Variants in TMEM260 observed in about 807,000 individuals in gnomAD.
TMEM260 encodes the protein protein O-mannosyl-transferase TMEM260.
A neutral mutation model predicts 88.9 loss-of-function variants in TMEM260; 82 were observed. That is an observed-to-expected ratio of 0.92 (90% confidence interval 0.77 to 1.11). The LOEUF (loss-of-function observed/expected upper bound fraction) is 1.11, where lower values mean the gene tolerates loss of function less well. Among genes scored for constraint, TMEM260 ranks in the 50% least tolerant of loss-of-function variants. The pLI, the probability that TMEM260 is intolerant of heterozygous loss-of-function variation, is 0.00. For synonymous variants in TMEM260, 314 were observed against 309.3 expected (o/e 1.02, Z -0.16); for missense variants, 902 against 853.4 (o/e 1.06, Z -0.71).
chr14:56,635,672 A>G (rs1034270726), intron 14 of TMEM260, among the ~76,000 whole-genome samples: 1 of 152,222 alleles, frequency 6.6e-6, no homozygotes, highest in African/African-American at 2.4e-5. Context: ...TAAGTAGTGC[A>G]GACGGAGTAT....
Position 56,632,987 on chromosome 14 carries a change from T to C in TMEM260, c.1548-8T>C. 6.2e-7 allele frequency: 1 copy of C among 1,610,222 alleles called. No homozygotes were observed. Among genetic ancestry groups the C allele is most frequent in the Non-Finnish European group, 8.5e-7 (1 of 1,177,106 alleles). On this transcript the variant is annotated splice_region_variant and splice_polypyrimidine_tract_variant and intron_variant, in intron 12 of 15. Coordinates refer to ENST00000261556, the MANE Select transcript of TMEM260 (RefSeq NM_017799.4). ...TAAGTACATCATGTATTTTTCTGTT[T>C]CCAACAGAAAAGAAACATTTGTTTG...
chr14:56,651,703 G>C (rs981080718), downstream of TMEM260, among the ~76,000 whole-genome samples: 1 of 152,150 alleles, frequency 6.6e-6, no homozygotes, highest in Non-Finnish European at 1.5e-5. Context: ...AAGTCTTCTG[G>C]TACATAGTTG....
the TMEM260 span, among the ~76,000 whole-genome samples, chr14:56,656,333 C>T: frequency 2.0e-5 from 3 of 152,016 alleles, no homozygotes; most frequent in African/African-American, 4.8e-5. Flanking sequence ...GCGAGAGGAT[C>T]GCTTGAACCC....
intron 14 of TMEM260, among the ~76,000 whole-genome samples, chr14:56,635,419 GAC>G (rs1419988816): frequency 6.6e-6 from 1 of 152,194 alleles, no homozygotes; most frequent in Non-Finnish European, 1.5e-5. Flanking sequence ...ATATGAATAT[GAC>G]ACAGTTCCTA....
intron 5 of TMEM260, among the ~76,000 whole-genome samples, chr14:56,607,476 T>C (rs1305809183): frequency 6.6e-6 from 1 of 152,026 alleles, no homozygotes; most frequent in East Asian, 1.9e-4. Flanking sequence ...GGCTAGAAAA[T>C]AAGGCCTACC....
At chr14:56,644,498 T>A (rs545090829) in intron 15 of TMEM260, among the ~76,000 whole-genome samples, 2,504 of 152,208 alleles carry the variant, frequency 0.016, 61 homozygotes, top group African/African-American at 0.056. Flanking sequence ...TATACAAAAA[T>A]TAATTCAAGA....
downstream of TMEM260, chr14:56,649,955 G>C: frequency 2.8e-6 from 1 of 353,510 alleles, no homozygotes; most frequent in South Asian, 2.2e-5. Flanking sequence ...ACTGAGCTGA[G>C]ATTTAGGGAT....
intron 12 of TMEM260, among the ~76,000 whole-genome samples, chr14:56,628,758 ATTTG>A (rs1888393959): frequency 6.6e-6 from 1 of 152,060 alleles, no homozygotes; most frequent in Non-Finnish European, 1.5e-5. Flanking sequence ...GACAGCATAT[ATTTG>A]AGTCTTATTT....
chr14:56,589,684 T>C (rs1366205897), intron 3 of TMEM260, among the ~76,000 whole-genome samples: 1 of 152,194 alleles, frequency 6.6e-6, no homozygotes, highest in African/African-American at 2.4e-5. Context: ...AATCCTTAAA[T>C]ATCTTCTGGC....
At chr14:56,616,199 A>G in intron 8 of TMEM260, 172 bp downstream of exon 8, 1 of 518,576 alleles carries the variant, frequency 1.9e-6, no homozygotes, top group Non-Finnish European at 3.4e-6. Context: ...CTGATTCTAA[A>G]TAAATCAATG....
At position 56,647,530 on chromosome 14, in the gene TMEM260, C is replaced by T; in HGVS notation, c.*33C>T. ...AAATATGAAAAACCTGCTCATCGTT[C>T]AGCTTCCAAAATTCTGAAGTCTGGA... On this transcript the variant is annotated 3_prime_UTR_variant, in exon 16 of 16. Transcript: ENST00000261556. 1.3e-6 allele frequency: 2 copies of T among 1,548,876 alleles called. No homozygotes were observed. The highest frequency in any genetic ancestry group is 1.7e-6 in the Non-Finnish European group (2 of 1,154,600).
At chr14:56,646,852 G>C (rs1055834249) in intron 15 of TMEM260, among the ~76,000 whole-genome samples, 1 of 145,690 alleles carries the variant, frequency 6.9e-6, no homozygotes, top group Non-Finnish European at 1.5e-5. Flanking sequence ...AAAGAAAGCT[G>C]TTTTTTTTTT....
chr14:56,596,411 TATATATATATATATAC>T (rs1479394363), intron 3 of TMEM260, among the ~76,000 whole-genome samples: 1 of 126,576 alleles, frequency 7.9e-6, no homozygotes, highest in African/African-American at 3.2e-5. Context: ...TGTGTGTATA[TATATATATATATATAC>T]ATACACACAC....
At chr14:56,631,970 G>A (rs1316942352) in intron 12 of TMEM260, among the ~76,000 whole-genome samples, 1 of 152,176 alleles carries the variant, frequency 6.6e-6, no homozygotes, top group Admixed American at 6.5e-5. Flanking sequence ...ACGGCAGAGA[G>A]CCCTCTCCTG....
At chr14:56,625,591 T>C in intron 12 of TMEM260, 61 bp downstream of exon 12, 3 of 1,408,812 alleles carry the variant, frequency 2.1e-6, no homozygotes, top group Non-Finnish European at 2.9e-6. Flanking sequence ...AAATTGTTTC[T>C]GTAGCAGTTG....
chr14:56,637,995 T>A (rs981946456), intron 15 of TMEM260, among the ~76,000 whole-genome samples: 3 of 151,470 alleles, frequency 2.0e-5, no homozygotes, highest in East Asian at 2.0e-4. Flanking sequence ...AGCTGGGAAG[T>A]AGGCTGGTGA....
chr14:56,585,769 T>C lies in TMEM260; in HGVS notation c.201T>C (p.His67=). 1 of 1,611,174 alleles carries C rather than the reference T, an allele frequency of 6.2e-7. No homozygotes were observed. Among genetic ancestry groups the C allele is most frequent in the Non-Finnish European group, 8.5e-7 (1 of 1,179,006 alleles). Residue 67 remains histidine, a synonymous_variant, in exon 3 of 16, where the codon CAT becomes CAC. Coordinates refer to ENST00000261556, the MANE Select transcript of TMEM260 (RefSeq NM_017799.4). Reference sequence around the variant, plus strand: ...TGCTAATTTTTCCGTAGGTTGCCCATCCTCCTGGCTATCCTTTGTTCACGC... The same window carrying C: ...TGCTAATTTTTCCGTAGGTTGCCCACCCTCCTGGCTATCCTTTGTTCACGC... ...ITAAHELGVA[H]PPGYPLFTLV...
chr14:56,595,234 C>T (rs555057474), intron 3 of TMEM260, among the ~76,000 whole-genome samples: 5 of 152,278 alleles, frequency 3.3e-5, no homozygotes, highest in South Asian at 2.1e-4. Flanking sequence ...TTTGTAGCAT[C>T]GCAACCTCAT....
At chr14:56,599,057 T>C (rs1886411210) in intron 3 of TMEM260, among the ~76,000 whole-genome samples, 1 of 152,180 alleles carries the variant, frequency 6.6e-6, no homozygotes, top group African/African-American at 2.4e-5. Context: ...GGTATGACTT[T>C]AGCTTTCATT....
Sources: gnomAD v4.1 joint callset for allele counts (sites outside exome capture counted in the v4.1 genomes callset) on GRCh38, gnomAD v4.1.1 for gene constraint, MANE v1.5 for transcripts, NCBI Gene and HGNC (gene_info 2026-07-23, HGNC 2026-07-21) for gene names.